Variants in SLC35F3 observed in about 807,000 individuals in gnomAD.
SLC35F3 encodes solute carrier family 35 member F3.
In SLC35F3, 25 loss-of-function variants were observed where a neutral mutation model predicts 49.9. That is an observed-to-expected ratio of 0.50 (90% confidence interval 0.37 to 0.70). The LOEUF (loss-of-function observed/expected upper bound fraction) is 0.70. SLC35F3 is among the 30% of genes least tolerant of loss of function. The pLI is 0.00. For synonymous variants in SLC35F3, 275 were observed against 265.4 expected, an observed-to-expected ratio of 1.04 and a Z score of -0.35; for missense variants, 525 against 639.8, an observed-to-expected ratio of 0.82 and a Z score of 1.94.
At chr1:233,921,252 G>C (rs1229372918) in intron 2 of SLC35F3, among the ~76,000 whole-genome samples, 2 of 152,138 alleles carry the variant, frequency 1.3e-5, no homozygotes, top group Non-Finnish European at 2.9e-5. Context: ...GCTCTTTTAA[G>C]TTCATACCAA....
At chr1:234,303,796 A>G (rs1210092375) in intron 3 of SLC35F3, among the ~76,000 whole-genome samples, 1 of 152,008 alleles carries the variant, frequency 6.6e-6, no homozygotes, top group Non-Finnish European at 1.5e-5. Context: ...TTATTTTACA[A>G]ATAGGTGCCT....
intron 2 of SLC35F3, among the ~76,000 whole-genome samples, chr1:234,158,875 C>T (rs1355228854): frequency 3.3e-5 from 5 of 152,172 alleles, no homozygotes; most frequent in Non-Finnish European, 5.9e-5. Context: ...AAAGAACCCT[C>T]CCTTTTTTGT....
chr1:233,952,325 A>C (rs1392481784), intron 2 of SLC35F3, among the ~76,000 whole-genome samples: 2 of 151,754 alleles, frequency 1.3e-5, no homozygotes, highest in Non-Finnish European at 2.9e-5. Flanking sequence ...TTTTTTGACT[A>C]CTTATCTTGG....
chr1:234,319,266 T>C (rs1657559818), intron 6 of SLC35F3, among the ~76,000 whole-genome samples: 1 of 152,210 alleles, frequency 6.6e-6, no homozygotes, highest in Non-Finnish European at 1.5e-5. Flanking sequence ...CTTAGAACAT[T>C]GCCTGATAAG....
intron 2 of SLC35F3, among the ~76,000 whole-genome samples, chr1:233,997,263 T>C (rs961622301): frequency 1.3e-5 from 2 of 152,178 alleles, no homozygotes; most frequent in Non-Finnish European, 2.9e-5. Flanking sequence ...TTTGGGTATA[T>C]ATCCAGCAGA....
chr1:234,232,984 A>G (rs555209218), intron 3 of SLC35F3, among the ~76,000 whole-genome samples: 1 of 152,318 alleles, frequency 6.6e-6, no homozygotes, highest in Admixed American at 6.5e-5. Context: ...ATGGAGCTTG[A>G]ATAGAATCAC....
chr1:234,164,166 C>G (rs929033416), intron 2 of SLC35F3, among the ~76,000 whole-genome samples: 1 of 151,534 alleles, frequency 6.6e-6, no homozygotes, highest in East Asian at 1.9e-4. Flanking sequence ...CGCTCTTCCC[C>G]CTACCCTGCC....
chr1:234,068,440 A>G (rs1008527666), intron 2 of SLC35F3, among the ~76,000 whole-genome samples: 4 of 152,130 alleles, frequency 2.6e-5, no homozygotes, highest in African/African-American at 9.7e-5. Context: ...TCTGTAACAG[A>G]AGACTCACAT....
intron 2 of SLC35F3, among the ~76,000 whole-genome samples, chr1:234,087,440 C>T (rs1664977765): frequency 6.6e-6 from 1 of 152,282 alleles, no homozygotes; most frequent in East Asian, 1.9e-4. Flanking sequence ...TACAGAGGGG[C>T]ACAGAACTGC....
Position 234,219,559 on chromosome 1 carries a change from A to G in SLC35F3, c.284-11858A>G, listed in dbSNP as rs377500133. Among the ~76,000 whole-genome samples, 24 of 152,378 alleles carry G rather than the reference A, an allele frequency of 1.6e-4. 1 individual carries two copies. The highest frequency in any genetic ancestry group is 1.3e-3 in the East Asian group (7 of 5,192). ...AGAAAGGCATACCAATAAAGAATGCATGCTGAAATGTAATGTTTTTGATTC... is the reference window on the plus strand; with the variant it reads ...AGAAAGGCATACCAATAAAGAATGCGTGCTGAAATGTAATGTTTTTGATTC... On this transcript the variant is annotated intron_variant, in intron 2 of 7. Coordinates refer to ENST00000366618, the MANE Select transcript of SLC35F3 (RefSeq NM_173508.4).
At chr1:234,139,946 C>CAAAATAATAAAATAAAATAAAAT in intron 2 of SLC35F3, among the ~76,000 whole-genome samples, 2 of 11,056 alleles carry the variant, frequency 1.8e-4, no homozygotes, top group South Asian at 2.2e-3. Context: ...GACTCCATCT[C>CAAAATAATAAAATAAAATAAAAT]AAAATAATAA....
At position 233,991,876 on chromosome 1, in the gene SLC35F3, A is replaced by C. The variant is rs138420891; in HGVS notation, c.283+86118A>C. 3.6e-3 allele frequency among the ~76,000 whole-genome samples: 551 copies of C among 152,324 alleles called. 11 individuals are homozygous for C. The highest frequency in any genetic ancestry group is 0.012 in the African/African-American group (509 of 41,564). ...TACCTGCATATTACATATTTTTATG[A>C]AATACCCCAAAATCAAGTTGAATAA... is the stretch of plus-strand genomic sequence containing the variant. On this transcript the variant is annotated intron_variant, in intron 2 of 7. Coordinates refer to ENST00000366618, the MANE Select transcript of SLC35F3 (RefSeq NM_173508.4).
chr1:234,108,762 A>AATATATATATATATGT (rs528975734), intron 2 of SLC35F3, among the ~76,000 whole-genome samples: 17 of 78,358 alleles, frequency 2.2e-4, no homozygotes, highest in Non-Finnish European at 3.1e-4. Flanking sequence ...GATATATATA[A>AATATATATATATATGT]ATATATATAT....
At chr1:234,221,101 AAGAG>A (rs59931810) in intron 2 of SLC35F3, among the ~76,000 whole-genome samples, 24,906 of 151,798 alleles carry the variant, frequency 0.16, 3,697 homozygotes, top group East Asian at 0.79. Flanking sequence ...ACCGAGAAGA[AAGAG>A]AGAGAGTGAT....
intron 3 of SLC35F3, among the ~76,000 whole-genome samples, chr1:234,247,491 G>C (rs1470059118): frequency 6.6e-6 from 1 of 152,032 alleles, no homozygotes; most frequent in Non-Finnish European, 1.5e-5. Context: ...GGATTGCTTG[G>C]CTGGTCCATT....
chr1:234,003,068 G>T (rs1663577554), intron 2 of SLC35F3, among the ~76,000 whole-genome samples: 1 of 152,062 alleles, frequency 6.6e-6, no homozygotes, highest in Admixed American at 6.6e-5. Flanking sequence ...GACACATTTT[G>T]TATGTTTCCT....
At chr1:234,094,812 C>G (rs1397816107) in intron 2 of SLC35F3, among the ~76,000 whole-genome samples, 2 of 152,154 alleles carry the variant, frequency 1.3e-5, no homozygotes, top group Non-Finnish European at 2.9e-5. Flanking sequence ...GCAGAGATGG[C>G]AGGTGATGGC....
chr1:234,244,583 A>T (rs1667602028), intron 3 of SLC35F3, among the ~76,000 whole-genome samples: 1 of 152,178 alleles, frequency 6.6e-6, no homozygotes, highest in Non-Finnish European at 1.5e-5. Flanking sequence ...TTGAATGACA[A>T]AGTAAGTTTT....
At chr1:234,166,749 C>T (rs1446924111) in intron 2 of SLC35F3, among the ~76,000 whole-genome samples, 1 of 152,224 alleles carries the variant, frequency 6.6e-6, no homozygotes, top group African/African-American at 2.4e-5. Context: ...AAATTAAGGA[C>T]TCTCGAACCA....
Sources: gnomAD v4.1 joint callset for allele counts (sites outside exome capture counted in the v4.1 genomes callset) on GRCh38, gnomAD v4.1.1 for gene constraint, MANE v1.5 for transcripts, NCBI Gene and HGNC (gene_info 2026-07-23, HGNC 2026-07-21) for gene names.